TAB1: variants seen among roughly 807,000 people sequenced by gnomAD.
The protein encoded by TAB1 is TGF-beta activated kinase 1 (MAP3K7) binding protein 1.
A neutral mutation model predicts 54.5 loss-of-function variants in TAB1; 30 were observed. The observed-to-expected ratio is 0.55, with a 90% CI of 0.41 to 0.75. TAB1 has a LOEUF of 0.75. TAB1 is among the 30% of genes least tolerant of loss of function. The pLI is 0.00. For missense variants in TAB1, 609 were observed against 683.2 expected (o/e 0.89, Z 1.21); for synonymous variants, 289 against 286.9 (o/e 1.01, Z -0.07).
intron 9 of TAB1, among the ~76,000 whole-genome samples, chr22:39,427,677 A>G (rs146197350): frequency 1.3e-5 from 2 of 152,272 alleles, no homozygotes; most frequent in East Asian, 3.9e-4. Context: ...TTGCAACCAT[A>G]TTTTTATTGG....
intron 8 of TAB1, among the ~76,000 whole-genome samples, 183 bp from the exon 9 acceptor site, chr22:39,426,520 G>T (rs555668436): frequency 6.6e-6 from 1 of 152,246 alleles, no homozygotes; most frequent in Non-Finnish European, 1.5e-5. Context: ...TAATGAGAAA[G>T]TTCCAGAAGG....
At position 39,415,619 on chromosome 22, in the gene TAB1, A is replaced by G. The variant is rs763061748; in HGVS notation, c.290A>G (p.His97Arg). ...ELLLGQLNAE[H>R]AEADVRRVLL... is the part of the protein sequence containing the mutation. ...CTGCTGGGCCAGCTGAATGCCGAGC[A>G]CGCCGAGGCCGATGTGCGGCGTGTG... is the stretch of plus-strand genomic sequence containing the variant. Residue 97 changes from histidine (H) to arginine (R), a missense_variant, in exon 3 of 11, where the codon CAC becomes CGC. Physicochemically the swap from His to Arg is conservative, Grantham distance 29 (BLOSUM62 0). Coordinates refer to ENST00000216160, the MANE Select transcript of TAB1 (RefSeq NM_006116.3). This position sits in a 1 kb window ranked among gnomAD's most constrained non-coding sequence, Gnocchi z 4.9. The G allele has an allele frequency of 3.1e-6, 5 of 1,613,148 alleles. No homozygotes were observed. The highest frequency in any genetic ancestry group is 1.7e-5 in the Admixed American group (1 of 60,002).
At chr22:39,428,769 G>C (rs536732816) in intron 10 of TAB1, among the ~76,000 whole-genome samples, 4 of 152,354 alleles carry the variant, frequency 2.6e-5, no homozygotes, top group East Asian at 3.9e-4. Context: ...TGCATGGAAT[G>C]ATAGAGATGC....
chr22:39,402,644 G>A (rs757161008), intron 1 of TAB1, among the ~76,000 whole-genome samples: 6 of 150,856 alleles, frequency 4.0e-5, no homozygotes, highest in Non-Finnish European at 7.4e-5. Context: ...CCTCTGCTTC[G>A]TGGGTTCAAG....
chr22:39,406,013 A>AAG (rs1323999375), intron 1 of TAB1, among the ~76,000 whole-genome samples: 1 of 152,222 alleles, frequency 6.6e-6, no homozygotes, highest in African/African-American at 2.4e-5. Flanking sequence ...ATTGCTCAGA[A>AAG]AGAGAACTCA....
chr22:39,400,994 A>G (rs546232372), intron 1 of TAB1, among the ~76,000 whole-genome samples: 1 of 145,210 alleles, frequency 6.9e-6, no homozygotes, highest in Non-Finnish European at 1.5e-5. Context: ...AGATCGGGCC[A>G]CTGCACTCCA....
rs563804278 is a variant in TAB1 at position 39,408,177 on chromosome 22, C to T, written c.34-6829C>T. 1.1e-4 allele frequency among the ~76,000 whole-genome samples: 17 copies of T among 152,286 alleles called. 1 individual carries two copies. The highest frequency in any genetic ancestry group is 3.9e-4 in the African/African-American group (16 of 41,552). On this transcript the variant is annotated intron_variant, in intron 1 of 10. Coordinates refer to ENST00000216160, the MANE Select transcript of TAB1 (RefSeq NM_006116.3). Reference sequence around the variant, plus strand: ...CTCAACATTATGAAAATCAGATTTCCTAAAAAAGTACTTAGCAGTGTTGAA... The same window carrying T: ...CTCAACATTATGAAAATCAGATTTCTTAAAAAAGTACTTAGCAGTGTTGAA...
In TAB1 at chr22:39,430,739, G is replaced by T; in HGVS notation, c.*517G>T. On this transcript the variant is annotated 3_prime_UTR_variant, in exon 11 of 11. Transcript: ENST00000216160. ...GGCTGGTGTCCGCATCTGTCCCTGG[G>T]CCCCACCCCTGGACCTGCCTTGGTT... 1 of 1,018,664 alleles carries T rather than the reference G, an allele frequency of 9.8e-7. No individual in the cohort carries two copies. The highest frequency in any genetic ancestry group is 1.7e-5 in the African/African-American group (1 of 59,404). The allele number at this position is 1,018,664 out of a possible 1,614,324, so 63.1% of individuals were successfully genotyped here.
At chr22:39,429,956 T>A in intron 10 of TAB1, 59 bp from the exon 11 acceptor site, 1 of 1,601,012 alleles carries the variant, frequency 6.2e-7, no homozygotes. Context: ...GTCCCCACTC[T>A]GCCCCAGGCC....
intron 1 of TAB1, among the ~76,000 whole-genome samples, chr22:39,400,392 A>AC (rs1569190600): frequency 6.6e-6 from 1 of 151,656 alleles, no homozygotes; most frequent in East Asian, 1.9e-4. Flanking sequence ...GATTCCAGAA[A>AC]CCCCCTTAAC....
intron 10 of TAB1, among the ~76,000 whole-genome samples, chr22:39,428,643 C>T (rs948543968): frequency 1.3e-5 from 2 of 152,168 alleles, no homozygotes; most frequent in African/African-American, 4.8e-5. Context: ...GCGGCCAGGC[C>T]CCCTCCAGCC....
intron 7 of TAB1, among the ~76,000 whole-genome samples, chr22:39,420,119 G>A (rs562295213): frequency 2.0e-5 from 3 of 152,316 alleles, no homozygotes; most frequent in Non-Finnish European, 4.4e-5. Flanking sequence ...TCCCTCTGAG[G>A]ACACCTCCTC....
intron 1 of TAB1, among the ~76,000 whole-genome samples, chr22:39,410,685 A>AT (rs1435574636): frequency 2.6e-5 from 4 of 152,164 alleles, no homozygotes; most frequent in Non-Finnish European, 5.9e-5. Context: ...AAATAAATAA[A>AT]TAAAAGTCAC....
intron 1 of TAB1, among the ~76,000 whole-genome samples, chr22:39,400,460 C>G (rs1386669841): frequency 2.0e-5 from 3 of 150,904 alleles, no homozygotes; most frequent in African/African-American, 7.5e-5. Context: ...CTGGTCCTGG[C>G]TCTGACTGTG....
chr22:39,433,398 C>G (rs986235845), downstream of TAB1: 6 of 932,370 alleles, frequency 6.4e-6, no homozygotes, highest in African/African-American at 1.8e-5. Context: ...TTGCAGTGAG[C>G]CAAGATAGCA....
At chr22:39,410,764 A>G (rs1478105371) in intron 1 of TAB1, among the ~76,000 whole-genome samples, 3 of 152,174 alleles carry the variant, frequency 2.0e-5, no homozygotes, top group Admixed American at 6.6e-5. Context: ...CATAGTGACA[A>G]TGTCTACTTT....
At chr22:39,417,634 A>AT in intron 4 of TAB1, 77 bp from the exon 5 acceptor site, 7 of 1,379,944 alleles carry the variant, frequency 5.1e-6, no homozygotes, top group East Asian at 2.6e-5. Context: ...AAAAAAAAAA[A>AT]GAGTAAAGGG....
chr22:39,427,260 T>C (rs1445278605), intron 9 of TAB1, among the ~76,000 whole-genome samples: 1 of 152,200 alleles, frequency 6.6e-6, no homozygotes, highest in Non-Finnish European at 1.5e-5. Context: ...GCCTGCCTTA[T>C]TCCCTTCAGT....
chr22:39,424,647 CTTTTTGGCCAGGCTT>C (rs1927241031), intron 8 of TAB1, among the ~76,000 whole-genome samples: 1 of 151,962 alleles, frequency 6.6e-6, no homozygotes, highest in Non-Finnish European at 1.5e-5. Flanking sequence ...GGGGTTTTGC[CTTTTTGGCCAGGCTT>C]ATCTTGAACT....
Sources: allele counts gnomAD v4.1 joint callset (sites outside exome capture counted in the v4.1 genomes callset), GRCh38; gene constraint gnomAD v4.1.1; non-coding constraint Gnocchi (gnomAD v3.1); transcripts MANE v1.5; gene names NCBI Gene and HGNC (gene_info 2026-07-23, HGNC 2026-07-21).